The following TEX2 variants were observed in gnomAD, a reference collection of about 807,000 sequenced individuals.
The protein encoded by TEX2 is testis-expressed protein 2.
TEX2 carries 53 observed loss-of-function variants against 106.9 expected under a neutral mutation model. That is an observed-to-expected ratio of 0.50 (90% CI 0.40 to 0.62). The LOEUF (loss-of-function observed/expected upper bound fraction) is 0.62. Ranked by LOEUF, TEX2 falls within the 20% of genes least tolerant of loss-of-function variation. TEX2 has a pLI of 0.00. For missense variants in TEX2, 1,207 were observed against 1,379.0 expected, an observed-to-expected ratio of 0.88 and a Z score of 1.98; for synonymous variants, 523 against 534.8, an observed-to-expected ratio of 0.98 and a Z score of 0.30.
chr17:64,192,323 A>G (rs2032329490), intron 4 of TEX2, among the ~76,000 whole-genome samples: 1 of 152,234 alleles, frequency 6.6e-6, no homozygotes. Flanking sequence ...TCCTAATCCC[A>G]TATGACTGGT....
chr17:64,239,875 C>CAAAAAAAAAAAAA (rs61705973), intron 1 of TEX2, among the ~76,000 whole-genome samples: 2 of 29,634 alleles, frequency 6.7e-5, no homozygotes, highest in African/African-American at 2.8e-4. Flanking sequence ...GACTCTGTCT[C>CAAAAAAAAAAAAA]AAAAAAAAAA....
rs181708661 is a variant in TEX2, at chr17:64,201,759, A to G, written c.1645-6664T>C. On this transcript the variant is annotated intron_variant, in intron 2 of 11. Transcript: ENST00000584379. Reference sequence around the variant, plus strand: ...AGGCTCAGTTCTCTGGTACTCTCCCATCACTGTATCTGTTAACTACCTGGT... The same window carrying G: ...AGGCTCAGTTCTCTGGTACTCTCCCGTCACTGTATCTGTTAACTACCTGGT... 3.6e-3 allele frequency among the ~76,000 whole-genome samples: 553 copies of G among 152,324 alleles called. 1 individual carries two copies. Among genetic ancestry groups the G allele is most frequent in the Non-Finnish European group, 4.7e-3 (319 of 68,034 alleles).
intron 3 of TEX2, among the ~76,000 whole-genome samples, chr17:64,194,574 T>C (rs138154853): frequency 9.2e-5 from 14 of 152,280 alleles, no homozygotes; most frequent in African/African-American, 2.2e-4. Context: ...CTGAAATAAT[T>C]AGCTTTTAAA....
At chr17:64,193,462 G>GGGTTGCTT in intron 4 of TEX2, 97 bp downstream of exon 4, 1 of 1,001,602 alleles carries the variant, frequency 1.0e-6, no homozygotes, top group Non-Finnish European at 1.4e-6. Context: ...GTTCAGGGTG[G>GGGTTGCTT]GCTTCCTTCC....
chr17:64,244,319 C>T (rs911615619), intron 1 of TEX2, among the ~76,000 whole-genome samples: 13 of 151,340 alleles, frequency 8.6e-5, no homozygotes, highest in African/African-American at 2.2e-4. Context: ...ATGCCTAACC[C>T]GCTGGACCTC....
chr17:64,160,170 C>T (rs2030818889), intron 8 of TEX2, among the ~76,000 whole-genome samples: 1 of 152,106 alleles, frequency 6.6e-6, no homozygotes, highest in South Asian at 2.1e-4. Flanking sequence ...GTAAAAGTTC[C>T]AGTTTATCTA....
In TEX2 at chr17:64,177,324, C is replaced by G; in HGVS notation, c.2571+1G>C. ...GAAGCCTCTTGTGTGGAAAGTGATACCTTTATTTTGCTGAGTTTCATTTGG... is the reference window on the plus strand; with the variant it reads ...GAAGCCTCTTGTGTGGAAAGTGATAGCTTTATTTTGCTGAGTTTCATTTGG... On this transcript the variant is annotated splice_donor_variant, in intron 6 of 11. Coordinates refer to ENST00000584379, the MANE Select transcript of TEX2 (RefSeq NM_001288732.2). LOFTEE classifies it high-confidence loss of function. The G allele has an allele frequency of 1.2e-6, 2 of 1,614,034 alleles. No individual in the cohort carries two copies. The highest frequency in any genetic ancestry group is 1.1e-5 in the South Asian group (1 of 91,060).
chr17:64,212,904 C>T lies in TEX2; in HGVS notation c.1314G>A (p.Lys438=). 6.2e-7 allele frequency: 1 copy of T among 1,614,224 alleles called. No individual in the cohort carries two copies. The part of the protein sequence containing the change: ...LETEGESKVD[K]LSDIPLKPEV... Reference sequence around the variant, plus strand: ...CTGGCTTGAGAGGAATATCTGAGAGCTTATCAACTTTACTCTCCCCCTCCG... The same window carrying T: ...CTGGCTTGAGAGGAATATCTGAGAGTTTATCAACTTTACTCTCCCCCTCCG... The change falls in exon 2 of 12, where the codon AAG becomes AAA. Residue 438 remains lysine (K), a synonymous_variant. Coordinates refer to ENST00000584379, the MANE Select transcript of TEX2 (RefSeq NM_001288732.2).
At chr17:64,152,859 C>T in intron 10 of TEX2, 86 bp downstream of exon 10, 2 of 1,395,732 alleles carry the variant, frequency 1.4e-6, no homozygotes. Flanking sequence ...AGGTACTTTC[C>T]ATAACCTCAA....
chr17:64,194,943 T>C lies in TEX2; in HGVS notation c.1797A>G (p.Pro599=). Residue 599 remains proline, a synonymous_variant, in exon 3 of 12, where the codon CCA becomes CCG. Transcript: ENST00000584379. The stretch of plus-strand genomic sequence containing the variant: ...TTTTCTGGCTGATGTAGGTGACCTC[T>C]GGCTTGGGTTCATTGTAGCTGGCCC... ...SRRASYNEPK[P]EVTYISQKIY... The C allele has an allele frequency of 6.2e-7, 1 of 1,614,236 alleles. No individual in the cohort carries two copies. Among genetic ancestry groups the C allele is most frequent in the Non-Finnish European group, 8.5e-7 (1 of 1,180,016 alleles).
chr17:64,173,028 C>G, intron 6 of TEX2, among the ~76,000 whole-genome samples: 1 of 152,108 alleles, frequency 6.6e-6, no homozygotes, highest in Non-Finnish European at 1.5e-5. Flanking sequence ...AATTAGGGAT[C>G]TAGTGTAATT....
Position 64,229,828 on chromosome 17 carries a change from C to A in TEX2, c.-25-15586G>T, listed in dbSNP as rs1349769284. ...CTTCAAATCATATTAGGAAATTAGA[C>A]AACCTAGCTTACATCTAGGTTGATC... is the stretch of plus-strand genomic sequence containing the variant. On this transcript the variant is annotated intron_variant, in intron 1 of 11. Coordinates refer to ENST00000584379, the MANE Select transcript of TEX2 (RefSeq NM_001288732.2). Among the ~76,000 whole-genome samples the A allele has an allele frequency of 2.0e-5, 3 of 152,178 alleles. No individual in the cohort carries two copies. In the East Asian group the frequency reaches 5.8e-4, roughly 29 times the overall value.
Position 64,188,241 on chromosome 17 carries a change from A to G in TEX2, c.2351T>C (p.Val784Ala), listed in dbSNP as rs1034722529. The change falls in exon 5 of 12, where the codon GTC becomes GCC. Residue 784 changes from valine (V) to alanine (A), a missense_variant. By Grantham distance (64) the Val-to-Ala change is moderately conservative. This residue lies in a region of TEX2 where 1,067 missense variants were observed against 1,193.6 expected (regional missense o/e 0.89). Coordinates refer to ENST00000584379, the MANE Select transcript of TEX2 (RefSeq NM_001288732.2). ...CTGGGGGCTTCGGCTTTCCTGGGGG[A>G]CACACCTGCCCATGTACACGCTGTA... Reference protein sequence around the residue: ...LDYSVYMGRCVPQESRSPQRS... With the variant: ...LDYSVYMGRCAPQESRSPQRS... The G allele has an allele frequency of 1.7e-5, 28 of 1,613,584 alleles. No individual in the cohort carries two copies. The highest frequency in any genetic ancestry group is 2.4e-5 in the Non-Finnish European group (28 of 1,180,036).
intron 7 of TEX2, among the ~76,000 whole-genome samples, chr17:64,164,968 G>A (rs2031058926): frequency 6.6e-6 from 1 of 152,212 alleles, no homozygotes; most frequent in Non-Finnish European, 1.5e-5. Context: ...GTAGGCTTGA[G>A]AGGGCACCTG....
intron 1 of TEX2, among the ~76,000 whole-genome samples, chr17:64,250,844 G>C (rs1481038139): frequency 6.6e-6 from 1 of 152,082 alleles, no homozygotes; most frequent in Non-Finnish European, 1.5e-5. Context: ...ACCATGCCCA[G>C]CTAATTTTTG....
At chr17:64,250,006 C>T (rs2034060895) in intron 1 of TEX2, among the ~76,000 whole-genome samples, 2 of 152,202 alleles carry the variant, frequency 1.3e-5, no homozygotes, top group Admixed American at 6.5e-5. Context: ...TCCTTTCCCA[C>T]GGGTTTTCAG....
intron 1 of TEX2, among the ~76,000 whole-genome samples, chr17:64,239,734 G>A (rs1464698009): frequency 2.0e-5 from 3 of 151,890 alleles, no homozygotes; most frequent in Admixed American, 6.6e-5. Context: ...AAATTAGCCA[G>A]GTGTGGTGGC....
intron 2 of TEX2, among the ~76,000 whole-genome samples, chr17:64,212,203 C>T (rs1235099829): frequency 1.3e-5 from 2 of 152,150 alleles, no homozygotes; most frequent in Non-Finnish European, 2.9e-5. Context: ...CTTGCAATTC[C>T]GGGAGTATTT....
intron 2 of TEX2, among the ~76,000 whole-genome samples, chr17:64,201,475 A>T (rs1193521049): frequency 2.0e-5 from 3 of 152,188 alleles, no homozygotes; most frequent in African/African-American, 7.2e-5. Context: ...CAGGTACCCC[A>T]GGTGCATTAT....
Sources: gnomAD v4.1 joint callset for allele counts (sites outside exome capture counted in the v4.1 genomes callset) on GRCh38, gnomAD v4.1.1 for gene constraint, gnomAD v4.1.1 regional missense constraint, MANE v1.5 for transcripts, NCBI Gene and HGNC (gene_info 2026-07-23, HGNC 2026-07-21) for gene names.